The following PTPRE variants were observed in gnomAD, a reference collection of about 807,000 sequenced individuals.
The protein encoded by PTPRE is receptor-type tyrosine-protein phosphatase epsilon.
PTPRE carries 51 observed loss-of-function variants against 102.0 expected under a neutral mutation model. That is an observed-to-expected ratio of 0.50 (90% CI 0.40 to 0.63). The LOEUF (loss-of-function observed/expected upper bound fraction) is 0.63, where lower values mean the gene tolerates loss of function less well. Among genes scored for constraint, PTPRE ranks in the 30% least tolerant of loss-of-function variants. PTPRE has a pLI of 0.00. For synonymous variants in PTPRE, 345 were observed against 348.2 expected, an observed-to-expected ratio of 0.99 and a Z score of 0.10; for missense variants, 752 against 915.1, an observed-to-expected ratio of 0.82 and a Z score of 2.30.
chr10:128,033,966 C>G (rs1194502688), intron 2 of PTPRE, among the ~76,000 whole-genome samples: 1 of 152,166 alleles, frequency 6.6e-6, no homozygotes, highest in Non-Finnish European at 1.5e-5. Flanking sequence ...ATAATTGTGT[C>G]CAAATTGGAC....
At chr10:127,937,859 A>T (rs1052920188) in intron 1 of PTPRE, among the ~76,000 whole-genome samples, 1 of 152,170 alleles carries the variant, frequency 6.6e-6, no homozygotes, top group African/African-American at 2.4e-5. Flanking sequence ...ACTCTGTCTT[A>T]AAAAAATAAA....
chr10:127,923,841 TGTCTG>T (rs1465183064), intron 1 of PTPRE, among the ~76,000 whole-genome samples: 1 of 152,174 alleles, frequency 6.6e-6, no homozygotes, highest in African/African-American at 2.4e-5. Context: ...CACTGCCTGA[TGTCTG>T]GTTGGTGGAA....
intron 2 of PTPRE, among the ~76,000 whole-genome samples, chr10:127,990,963 A>T (rs1384104977): frequency 6.6e-6 from 1 of 152,242 alleles, no homozygotes; most frequent in Non-Finnish European, 1.5e-5. Context: ...TTAATAAAAC[A>T]AAGGTATTTT....
At chr10:127,998,132 A>C (rs1393174811) in intron 2 of PTPRE, 1 of 152,270 alleles carries the variant, frequency 6.6e-6, no homozygotes, top group African/African-American at 2.4e-5. Flanking sequence ...AGAGATCTCA[A>C]ATCCTGTTGC....
At chr10:128,056,302 C>T in intron 7 of PTPRE, 89 bp downstream of exon 7, 1 of 1,112,658 alleles carries the variant, frequency 9.0e-7, no homozygotes, top group Non-Finnish European at 1.3e-6. Flanking sequence ...GCAGGCCATT[C>T]CTGGTGCTCA....
At position 128,079,656 on chromosome 10, in the gene PTPRE, G is replaced by A; in HGVS notation, c.1989G>A (p.Lys663=). Reference sequence around the variant, plus strand: ...TTTTAGATGTATTTCAAGCTGTGAAGAGTTTACGACTTCAGAGACCACATA... The same window carrying A: ...TTTTAGATGTATTTCAAGCTGTGAAAAGTTTACGACTTCAGAGACCACATA... ...EGLLDVFQAV[K]SLRLQRPHMV... Residue 663 remains lysine (K), a synonymous_variant, in exon 20 of 21, where the codon AAG becomes AAA. Coordinates refer to ENST00000254667, the MANE Select transcript of PTPRE (RefSeq NM_006504.6). 6.2e-7 allele frequency: 1 copy of A among 1,614,060 alleles called. No individual in the cohort carries two copies. The highest frequency in any genetic ancestry group is 2.2e-5 in the East Asian group (1 of 44,890).
At chr10:127,915,247 C>G (rs950014940) in intron 1 of PTPRE, among the ~76,000 whole-genome samples, 7 of 152,180 alleles carry the variant, frequency 4.6e-5, no homozygotes, top group Non-Finnish European at 8.8e-5. Context: ...CACATTATTT[C>G]AAATCATCCC....
Position 128,028,509 on chromosome 10 carries a change from C to T in PTPRE, c.-7-12366C>T, listed in dbSNP as rs1846449339. Among the ~76,000 whole-genome samples, 1 of 152,196 alleles carries T rather than the reference C, an allele frequency of 6.6e-6. No homozygotes were observed. The highest frequency in any genetic ancestry group is 6.5e-5 in the Admixed American group (1 of 15,276). On this transcript the variant is annotated intron_variant, in intron 2 of 20. Coordinates refer to ENST00000254667, the MANE Select transcript of PTPRE (RefSeq NM_006504.6). The surrounding 1 kb of genome is among the most constrained non-coding windows in gnomAD (Gnocchi z 4.5). ...AATGGGGCAAAGGTGAGATGGTACA[C>T]AGCACACCTGGCCCTGGCTCAGCCC...
rs1850052318 is a variant in PTPRE, at chr10:128,065,984, T to C, written c.724-91T>C. The C allele has an allele frequency of 4.5e-6, 7 of 1,564,644 alleles. No individual in the cohort carries two copies. In the Admixed American group the frequency reaches 1.0e-4, roughly 22 times the overall value. On this transcript the variant is annotated intron_variant, in intron 10 of 20. Coordinates refer to ENST00000254667, the MANE Select transcript of PTPRE (RefSeq NM_006504.6). ...GTGGGAGCTGTGTGACTCCAGCTGGTGTGTGTGAGGCCTTCTGTAGTTGGG... is the reference window on the plus strand; with the variant it reads ...GTGGGAGCTGTGTGACTCCAGCTGGCGTGTGTGAGGCCTTCTGTAGTTGGG...
At chr10:127,942,102 G>A (rs1848290442) in intron 1 of PTPRE, among the ~76,000 whole-genome samples, 1 of 152,134 alleles carries the variant, frequency 6.6e-6, no homozygotes, top group Non-Finnish European at 1.5e-5. Flanking sequence ...GTCCAGTCAA[G>A]AGCATTTCGA....
At chr10:128,046,265 T>C (rs1848080776) in intron 3 of PTPRE, among the ~76,000 whole-genome samples, 1 of 152,012 alleles carries the variant, frequency 6.6e-6, no homozygotes, top group African/African-American at 2.4e-5. Context: ...GGGTGTGAGG[T>C]GAGCGGAGCC....
At chr10:127,992,751 T>A (rs1220006803) in intron 2 of PTPRE, among the ~76,000 whole-genome samples, 1 of 152,170 alleles carries the variant, frequency 6.6e-6, no homozygotes, top group East Asian at 1.9e-4. Context: ...AAATACCTGG[T>A]TAGAATCCAA....
At chr10:127,993,786 T>TGTGTGC (rs1359735793) in intron 2 of PTPRE, among the ~76,000 whole-genome samples, 24 of 151,646 alleles carry the variant, frequency 1.6e-4, no homozygotes, top group African/African-American at 5.1e-4. Flanking sequence ...TGTGTGTGTG[T>TGTGTGC]GCGTGTGTGT....
intron 1 of PTPRE, among the ~76,000 whole-genome samples, chr10:127,962,286 G>C (rs1304561916): frequency 6.6e-6 from 1 of 152,160 alleles, no homozygotes; most frequent in Non-Finnish European, 1.5e-5. Context: ...GGGAAGGCTG[G>C]CACAGACGGC....
intron 1 of PTPRE, among the ~76,000 whole-genome samples, chr10:127,948,572 CT>C (rs1484674884): frequency 6.6e-6 from 1 of 152,198 alleles, no homozygotes; most frequent in African/African-American, 2.4e-5. Flanking sequence ...ATAGTTTTGC[CT>C]TTTCTAGAAT....
At position 127,944,270 on chromosome 10, in the gene PTPRE, A is replaced by G. The variant is rs1177085822; in HGVS notation, c.-31+36961A>G. Among the ~76,000 whole-genome samples, 30 of 152,224 alleles carry G rather than the reference A, an allele frequency of 2.0e-4. No individual in the cohort carries two copies. The highest frequency in any genetic ancestry group is 2.0e-3 in the Admixed American group (30 of 15,288). On this transcript the variant is annotated intron_variant, in intron 1 of 20. Coordinates refer to ENST00000254667, the MANE Select transcript of PTPRE (RefSeq NM_006504.6). The surrounding 1 kb of genome is among the most constrained non-coding windows in gnomAD (Gnocchi z 4.2). ...CCACAGCTGTTGTGTCACATGCAGC[A>G]TGATAGTCAGGGATGGATGAGCACC...
At chr10:128,079,414 A>G in intron 19 of PTPRE, 146 bp from the exon 20 acceptor site, 1 of 1,095,814 alleles carries the variant, frequency 9.1e-7, no homozygotes. Context: ...CTACATACAA[A>G]TGATCAAAAA....
At position 128,069,823 on chromosome 10, in the gene PTPRE, C is replaced by T. The variant is rs1410933315; in HGVS notation, c.1139C>T (p.Thr380Met). ...IRNQRPQMVQ[T>M]DMQYTFIYQA... is the part of the protein sequence containing the mutation. ...AATCAGCGCCCTCAGATGGTTCAAA[C>T]GGATGTGAGTCATGCCTTCCTCTTG... is the stretch of plus-strand genomic sequence containing the variant. Residue 380 changes from threonine to methionine, a missense_variant, in exon 13 of 21, where the codon ACG (threonine) becomes ATG (methionine). Around this residue, in one of 2 missense-constraint regions of PTPRE, gnomAD observed 636 missense variants for 824.4 expected, o/e 0.77. Coordinates refer to ENST00000254667, the MANE Select transcript of PTPRE (RefSeq NM_006504.6). 4.3e-6 allele frequency: 7 copies of T among 1,614,096 alleles called. No homozygotes were observed. The highest frequency in any genetic ancestry group is 2.2e-5 in the East Asian group (1 of 44,898).
At chr10:127,955,208 G>C (rs1205304081) in intron 1 of PTPRE, among the ~76,000 whole-genome samples, 1 of 152,088 alleles carries the variant, frequency 6.6e-6, no homozygotes, top group African/African-American at 2.4e-5. Flanking sequence ...AATAGCCCAG[G>C]CTCTTCAGGA....
Sources: gnomAD v4.1 joint callset for allele counts (sites outside exome capture counted in the v4.1 genomes callset) on GRCh38, gnomAD v4.1.1 for gene constraint, gnomAD v4.1.1 regional missense constraint, Gnocchi (gnomAD v3.1) non-coding constraint, MANE v1.5 for transcripts, NCBI Gene and HGNC (gene_info 2026-07-23, HGNC 2026-07-21) for gene names.